Variants in CXCL13 observed in about 807,000 individuals in gnomAD.
CXCL13 encodes the protein C-X-C motif chemokine 13.
CXCL13 carries 7 observed loss-of-function variants against 12.2 expected under a neutral mutation model. The ratio of observed to expected loss-of-function variants is 0.57; its 90% CI spans 0.33 to 1.07. The LOEUF (loss-of-function observed/expected upper bound fraction) is 1.07, where lower values mean the gene tolerates loss of function less well. CXCL13 is among the 50% of genes least tolerant of loss of function. The pLI is 0.04. For synonymous variants in CXCL13, 47 were observed against 42.4 expected (o/e 1.11, Z -0.42); for missense variants, 113 against 127.4 (o/e 0.89, Z 0.55).
Position 77,610,644 on chromosome 4 carries a change from T to C in CXCL13, c.228T>C (p.Cys76=), listed in dbSNP as rs1315500852. ...IVWKKNKSIV[C]VDPQAEWIQR... ...GGAAGAAGAACAAGTCAATTGTGTG[T>C]GTGGACCCTCAAGCTGAATGGATAC... Residue 76 remains cysteine (C), a synonymous_variant, in exon 3 of 4, where the codon TGT becomes TGC. Coordinates refer to ENST00000682537, the MANE Select transcript of CXCL13 (RefSeq NM_001371558.1). 7 of 1,613,380 alleles carry C rather than the reference T, an allele frequency of 4.3e-6. No individual in the cohort carries two copies. The highest frequency in any genetic ancestry group is 5.9e-6 in the Non-Finnish European group (7 of 1,179,406).
At chr4:77,575,576 T>C (rs1253753930) in intron 1 of CXCL13, among the ~76,000 whole-genome samples, 2 of 151,902 alleles carry the variant, frequency 1.3e-5, no homozygotes, top group Non-Finnish European at 1.5e-5. Flanking sequence ...GATATTTTGC[T>C]GAGAATGATG....
At chr4:77,607,305 A>T (rs1033316603) in intron 1 of CXCL13, among the ~76,000 whole-genome samples, 4 of 152,154 alleles carry the variant, frequency 2.6e-5, no homozygotes, top group Non-Finnish European at 4.4e-5. Context: ...AAATTTCAAA[A>T]TTGCTGTGTT....
At chr4:77,529,210 C>A (rs561637805) in intron 1 of CXCL13, among the ~76,000 whole-genome samples, 1 of 152,064 alleles carries the variant, frequency 6.6e-6, no homozygotes, top group Non-Finnish European at 1.5e-5. Context: ...GGTCAGGTAG[C>A]GTGATGCCTC....
intron 1 of CXCL13, among the ~76,000 whole-genome samples, chr4:77,569,206 A>T (rs1726007033): frequency 6.6e-6 from 1 of 152,222 alleles, no homozygotes; most frequent in South Asian, 2.1e-4. Context: ...AACCTGTACA[A>T]GACAAGGATA....
At chr4:77,548,396 T>C (rs1392434549) in intron 1 of CXCL13, among the ~76,000 whole-genome samples, 1 of 152,234 alleles carries the variant, frequency 6.6e-6, no homozygotes, top group African/African-American at 2.4e-5. Flanking sequence ...AATGCACAGC[T>C]CTACCTCACA....
At chr4:77,543,106 T>C (rs1309030822) in intron 1 of CXCL13, among the ~76,000 whole-genome samples, 1 of 152,222 alleles carries the variant, frequency 6.6e-6, no homozygotes, top group Admixed American at 6.6e-5. Context: ...TGTGTGTTTC[T>C]GGGAATTTAC....
intron 1 of CXCL13, among the ~76,000 whole-genome samples, chr4:77,553,502 G>A (rs1350005531): frequency 1.3e-5 from 2 of 152,162 alleles, no homozygotes; most frequent in East Asian, 1.9e-4. Flanking sequence ...ATAGCTCCAG[G>A]GCCTGGGAAA....
At chr4:77,536,165 G>A (rs1174788962) in intron 1 of CXCL13, among the ~76,000 whole-genome samples, 1 of 152,128 alleles carries the variant, frequency 6.6e-6, no homozygotes, top group East Asian at 1.9e-4. Flanking sequence ...AAATAGAGTG[G>A]AGTGTGGAGC....
chr4:77,561,131 T>C (rs1231863839), intron 1 of CXCL13, among the ~76,000 whole-genome samples: 2 of 152,156 alleles, frequency 1.3e-5, no homozygotes, highest in African/African-American at 4.8e-5. Flanking sequence ...CCAGGGAAAA[T>C]ATTGTATGAT....
intron 1 of CXCL13, among the ~76,000 whole-genome samples, chr4:77,512,008 A>G (rs1263530458): frequency 6.6e-6 from 1 of 152,236 alleles, no homozygotes; most frequent in Non-Finnish European, 1.5e-5. Context: ...AGCACCTTGA[A>G]GATCCACTTC....
intron 1 of CXCL13, among the ~76,000 whole-genome samples, chr4:77,599,675 G>C (rs1205882873): frequency 6.6e-6 from 1 of 152,200 alleles, no homozygotes; most frequent in East Asian, 1.9e-4. Flanking sequence ...AGGCAGCAGA[G>C]GAAGTTGGAG....
At chr4:77,586,929 C>T (rs920364563) in intron 1 of CXCL13, among the ~76,000 whole-genome samples, 2 of 152,130 alleles carry the variant, frequency 1.3e-5, no homozygotes, top group African/African-American at 2.4e-5. Context: ...ACTGCAGACC[C>T]AGCTGCAGTA....
chr4:77,571,959 AG>A (rs750965941), intron 1 of CXCL13, among the ~76,000 whole-genome samples: 41 of 151,772 alleles, frequency 2.7e-4, no homozygotes, highest in Middle Eastern at 3.2e-3. Flanking sequence ...CTCACTGCGA[AG>A]GTCTGCAGCT....
Position 77,540,073 on chromosome 4 carries a change from A to C in CXCL13, c.-43+28285A>C, listed in dbSNP as rs578123224. ...CATATAATTATTTTTAGAAAAATAG[A>C]CACGATATTTTTTATGTTCAGTATT... On this transcript the variant is annotated intron_variant, in intron 1 of 4. Coordinates refer to the CXCL13 transcript ENST00000286758. Among the ~76,000 whole-genome samples, 12 of 152,278 alleles carry C rather than the reference A, an allele frequency of 7.9e-5. No individual in the cohort carries two copies. In the South Asian group the frequency reaches 2.5e-3, roughly 32 times the overall value.
In CXCL13 at chr4:77,542,882, ATTAG is replaced by A. The variant is rs869105899; in HGVS notation, c.-43+31099_-43+31102del. Among the ~76,000 whole-genome samples, 12 of 152,228 alleles carry A rather than the reference ATTAG, an allele frequency of 7.9e-5. 2 individuals are homozygous for A. The highest frequency in any genetic ancestry group is 2.9e-4 in the African/African-American group (12 of 41,530). On this transcript the variant is annotated intron_variant, in intron 1 of 4. Coordinates refer to the CXCL13 transcript ENST00000286758. The stretch of plus-strand genomic sequence containing the variant: ...ATCAGGGTGATGCTAGCTTTGTAGA[ATTAG>A]TTAGGAAGGAATCTCTCCTTAATTT...
intron 1 of CXCL13, among the ~76,000 whole-genome samples, chr4:77,592,773 TCA>T (rs1412766644): frequency 6.6e-6 from 1 of 152,102 alleles, no homozygotes; most frequent in African/African-American, 2.4e-5. Context: ...CACTCAAGAT[TCA>T]GTTTTGAGTG....
chr4:77,567,993 A>T (rs186519624), intron 1 of CXCL13, among the ~76,000 whole-genome samples: 2 of 152,088 alleles, frequency 1.3e-5, no homozygotes, highest in African/African-American at 4.8e-5. Flanking sequence ...TTTTCACTTT[A>T]CTCTGTCCAC....
At chr4:77,535,106 A>C (rs1425752362) in intron 1 of CXCL13, among the ~76,000 whole-genome samples, 2 of 152,218 alleles carry the variant, frequency 1.3e-5, no homozygotes, top group Non-Finnish European at 2.9e-5. Context: ...CTCTTCCACA[A>C]AGAAGGAACT....
intron 2 of CXCL13, among the ~76,000 whole-genome samples, chr4:77,608,724 C>A (rs1232714132): frequency 6.6e-6 from 1 of 152,174 alleles, no homozygotes; most frequent in Admixed American, 6.5e-5. Flanking sequence ...TAGTTTTTCA[C>A]TAGAAAGGCA....
Sources: allele counts gnomAD v4.1 joint callset (sites outside exome capture counted in the v4.1 genomes callset), GRCh38; gene constraint gnomAD v4.1.1; transcripts MANE v1.5; gene names NCBI Gene and HGNC (gene_info 2026-07-23, HGNC 2026-07-21).